The following EML5 variants were observed in gnomAD, a reference collection of about 807,000 sequenced individuals.
EML5 encodes EMAP like 5, also known as echinoderm microtubule-associated protein-like 5.
In EML5, 120 loss-of-function variants were observed where a neutral mutation model predicts 250.0. The observed-to-expected ratio is 0.48, with a 90% confidence interval of 0.41 to 0.56. The LOEUF is 0.56. EML5 is among the 20% of genes least tolerant of loss of function. EML5 has a pLI of 0.00. For synonymous variants in EML5, 771 were observed against 806.5 expected, an observed-to-expected ratio of 0.96 and a Z score of 0.75; for missense variants, 2,006 against 2,437.6, an observed-to-expected ratio of 0.82 and a Z score of 3.73.
chr14:88,648,219 T>C (rs892903744), intron 28 of EML5, among the ~76,000 whole-genome samples: 1 of 152,192 alleles, frequency 6.6e-6, no homozygotes, highest in Non-Finnish European at 1.5e-5. Context: ...ACAGCTTTGA[T>C]GACAACTAAT....
intron 1 of EML5, among the ~76,000 whole-genome samples, chr14:88,773,198 A>G (rs1445172965): frequency 6.6e-6 from 1 of 152,162 alleles, no homozygotes. Context: ...GGGTCATAGT[A>G]CACCTCACTT....
In EML5 at chr14:88,626,923, C is replaced by T. The variant is rs1433775170; in HGVS notation, c.4655G>A (p.Gly1552Glu). The T allele has an allele frequency of 6.2e-7, 1 of 1,613,980 alleles. No individual in the cohort carries two copies. The highest frequency in any genetic ancestry group is 1.7e-5 in the Admixed American group (1 of 60,024). The change falls in exon 35 of 44, where the codon GGA (glycine) becomes GAA (glutamate). Residue 1552 changes from glycine to glutamate, a missense_variant. Physicochemically the swap from Gly to Glu is moderately conservative, Grantham distance 98. Transcript: ENST00000554922. ...CCCTTTTTTGCTAAGAAGAGCTCTT[C>T]CTGCCAGGGTCCAGAACTTCACATG... ...VKHVKFWTLAGRALLSKKGLL... is the reference protein window; with the variant it reads ...VKHVKFWTLAERALLSKKGLL...
At chr14:88,738,768 A>G (rs768816994) in intron 6 of EML5, 111 bp downstream of exon 6, 39 of 1,294,150 alleles carry the variant, frequency 3.0e-5, no homozygotes, top group East Asian at 5.2e-5. Context: ...AGAGGCAAAT[A>G]TAAGTCTTAT....
chr14:88,630,112 C>G (rs2090354973), intron 33 of EML5, among the ~76,000 whole-genome samples: 2 of 146,738 alleles, frequency 1.4e-5, no homozygotes, highest in South Asian at 4.3e-4. Context: ...CTCACTGCAA[C>G]CTCTGCCTCT....
In EML5 at chr14:88,658,228, C is replaced by G; in HGVS notation, c.3836G>C (p.Cys1279Ser). 4 of 1,613,806 alleles carry G rather than the reference C, an allele frequency of 2.5e-6. No individual in the cohort carries two copies. The highest frequency in any genetic ancestry group is 2.5e-6 in the Non-Finnish European group (3 of 1,179,812). The change falls in exon 26 of 44, where the codon TGT becomes TCT. Residue 1279 changes from cysteine to serine, a missense_variant. Around this residue, in one of 7 missense-constraint regions of EML5, gnomAD observed 1,375 missense variants for 1,590.3 expected, o/e 0.86. Coordinates refer to ENST00000554922, the MANE Select transcript of EML5 (RefSeq NM_183387.3). ...EMEGYREKRPCDSEESDIDSE... is the reference protein window; with the variant it reads ...EMEGYREKRPSDSEESDIDSE... ...ATCAATGTCGGATTCTTCACTATCA[C>G]AAGGCCTTTTTTCTCGATAGCCTTC...
At chr14:88,780,040 C>T (rs1477511373) in intron 1 of EML5, among the ~76,000 whole-genome samples, 2 of 152,094 alleles carry the variant, frequency 1.3e-5, no homozygotes, top group South Asian at 4.1e-4. Context: ...TAACCTCCAC[C>T]TCCCAGGTTC....
chr14:88,768,373 T>C (rs1039274119), intron 1 of EML5, among the ~76,000 whole-genome samples: 2 of 152,170 alleles, frequency 1.3e-5, no homozygotes, highest in African/African-American at 4.8e-5. Context: ...TGGCGGATTC[T>C]GTCAGTAACA....
At chr14:88,774,971 T>TTCAGGCCC (rs1306025386) in intron 1 of EML5, among the ~76,000 whole-genome samples, 1 of 152,186 alleles carries the variant, frequency 6.6e-6, no homozygotes, top group African/African-American at 2.4e-5. Flanking sequence ...AGGCCCCTGT[T>TTCAGGCCC]TCAGGCCCTA....
chr14:88,663,448 A>C (rs2092197597), intron 23 of EML5, among the ~76,000 whole-genome samples: 1 of 152,180 alleles, frequency 6.6e-6, no homozygotes, highest in Admixed American at 6.5e-5. Flanking sequence ...TATGATGCTC[A>C]ATTTATATAG....
Position 88,649,946 on chromosome 14 carries a change from G to GA in EML5, c.4005-21dup, listed in dbSNP as rs1274060959. 6 of 1,462,484 alleles carry GA rather than the reference G, an allele frequency of 4.1e-6. No homozygotes were observed. Among genetic ancestry groups the GA allele is most frequent in the Non-Finnish European group, 5.4e-6 (6 of 1,107,016 alleles). 90.6% of individuals were successfully genotyped at this position (1,462,484 alleles called of 1,614,324 possible). A position where few individuals can be genotyped will look rare whatever the true frequency, so the allele number is the denominator to read the frequency against. On this transcript the variant is annotated intron_variant, in intron 27 of 43. Transcript: ENST00000554922. ...CCCTGCCTTCAAAAGGAGCAAGGGG[G>GA]AAAAAAGTAGGAAAACATATAAAAA...
rs146015007 is a variant in EML5 at position 88,628,075 on chromosome 14, T to C, written c.4358-256A>G. 6.4e-4 allele frequency: 313 copies of C among 489,554 alleles called. 1 individual carries two copies. The highest frequency in any genetic ancestry group is 5.2e-3 in the African/African-American group (263 of 50,970). The allele number at this position is 489,554 out of a possible 1,614,324, so 30.3% of individuals were successfully genotyped here. A position where few individuals can be genotyped will look rare whatever the true frequency, so the allele number is the denominator to read the frequency against. ...AAATTGCACTTTTGGAAAAACAGCATTTAGACAAGCAAATCAGGCAATCTC... is the reference window on the plus strand; with the variant it reads ...AAATTGCACTTTTGGAAAAACAGCACTTAGACAAGCAAATCAGGCAATCTC... On this transcript the variant is annotated intron_variant, in intron 33 of 43. Coordinates refer to ENST00000554922, the MANE Select transcript of EML5 (RefSeq NM_183387.3).
chr14:88,705,605 T>C lies in EML5; in HGVS notation c.1826-17A>G, dbSNP rs1485912690. 13 of 1,526,668 alleles carry C rather than the reference T, an allele frequency of 8.5e-6. No homozygotes were observed. Among genetic ancestry groups the C allele is most frequent in the South Asian group, 2.4e-5 (2 of 83,756 alleles). 94.6% of individuals were successfully genotyped at this position (1,526,668 alleles called of 1,614,324 possible). On this transcript the variant is annotated splice_polypyrimidine_tract_variant and intron_variant, in intron 11 of 43. Transcript: ENST00000554922. ...CCAGACTTTCTGTAATTTTTAAAAA[T>C]GAAATGTTACTTGTTTAAAGAAGAT...
At chr14:88,754,731 G>A (rs755962863) in intron 1 of EML5, 60 bp from the exon 2 acceptor site, 3 of 1,387,816 alleles carry the variant, frequency 2.2e-6, no homozygotes, top group South Asian at 1.3e-5. Flanking sequence ...AGATTTTATA[G>A]TATTTGGTAG....
chr14:88,679,397 A>G (rs537050973), intron 21 of EML5, among the ~76,000 whole-genome samples: 7 of 152,096 alleles, frequency 4.6e-5, no homozygotes, highest in Non-Finnish European at 1.0e-4. Flanking sequence ...CTTGCTATCA[A>G]TAAAGGGGCT....
Position 88,705,468 on chromosome 14 carries a change from A to G in EML5, c.1932+14T>C, listed in dbSNP as rs749553915. On this transcript the variant is annotated intron_variant, in intron 12 of 43. Coordinates refer to ENST00000554922, the MANE Select transcript of EML5 (RefSeq NM_183387.3). ...AGACTTTTTAGAGAAAAACCATGTG[A>G]TATGGAAAATTACCTGTCGACGGTA... 18 of 1,562,170 alleles carry G rather than the reference A, an allele frequency of 1.2e-5. No homozygotes were observed. The highest frequency in any genetic ancestry group is 1.6e-5 in the Non-Finnish European group (18 of 1,143,082).
rs530965946 is a variant in EML5 at position 88,768,442 on chromosome 14, GCT to G, written c.198-13773_198-13772del. The stretch of plus-strand genomic sequence containing the variant: ...CTTTTTTTTTTTGAGACAGAGTTTC[GCT>G]CTGTCACCCAGGCTGGAGTGCAATG... On this transcript the variant is annotated intron_variant, in intron 1 of 43. Transcript: ENST00000554922. Among the ~76,000 whole-genome samples the G allele has an allele frequency of 5.5e-3, 830 of 150,594 alleles. 8 individuals are homozygous for G. Among genetic ancestry groups the G allele is most frequent in the African/African-American group, 0.019 (796 of 40,928 alleles).
intron 34 of EML5, 161 bp downstream of exon 34, chr14:88,627,485 A>G (rs781533241): frequency 1.6e-6 from 1 of 627,832 alleles, no homozygotes; most frequent in East Asian, 3.0e-5. Flanking sequence ...TGGGCTTTTA[A>G]AGTGAAATAT....
intron 2 of EML5, among the ~76,000 whole-genome samples, chr14:88,747,983 GA>G (rs1238065112): frequency 1.3e-5 from 2 of 152,072 alleles, no homozygotes; most frequent in Admixed American, 6.5e-5. Flanking sequence ...TGTGAACCCT[GA>G]AAGAGGGGAA....
intron 17 of EML5, 100 bp from the exon 18 acceptor site, chr14:88,688,573 G>T: frequency 8.4e-7 from 1 of 1,197,542 alleles, no homozygotes; most frequent in Non-Finnish European, 1.2e-6. Flanking sequence ...TGTTTGAATA[G>T]TAAGGCATGC....
Sources: gnomAD v4.1 joint callset for allele counts (sites outside exome capture counted in the v4.1 genomes callset) on GRCh38, gnomAD v4.1.1 for gene constraint, gnomAD v4.1.1 regional missense constraint, MANE v1.5 for transcripts, NCBI Gene and HGNC (gene_info 2026-07-23, HGNC 2026-07-21) for gene names.